TRMT11: variants seen among roughly 807,000 people sequenced by gnomAD.
The protein encoded by TRMT11 is tRNA (guanine(10)-N(2))-methyltransferase TRMT11.
TRMT11 carries 53 observed loss-of-function variants against 62.8 expected under a neutral mutation model. The observed-to-expected ratio is 0.84, with a 90% CI of 0.68 to 1.06. The LOEUF is 1.06. Among genes scored for constraint, TRMT11 ranks in the 50% least tolerant of loss-of-function variants. TRMT11 has a pLI of 0.00. For missense variants in TRMT11, 556 were observed against 553.4 expected, an observed-to-expected ratio of 1.00 and a Z score of -0.05; for synonymous variants, 188 against 190.3, an observed-to-expected ratio of 0.99 and a Z score of 0.10.
At chr6:126,172,951 G>A (rs1778346737), upstream of TRMT11, among the ~76,000 whole-genome samples, 1 of 152,190 alleles carries the variant, frequency 6.6e-6, no homozygotes, top group South Asian at 2.1e-4. Flanking sequence ...AGGCTGGCAG[G>A]AGGTGAACCG....
At chr6:126,006,582 T>G (rs1460865945) in intron 7 of TRMT11, among the ~76,000 whole-genome samples, 1 of 145,982 alleles carries the variant, frequency 6.9e-6, no homozygotes, top group Non-Finnish European at 1.5e-5. Context: ...ACTTGCCTCC[T>G]TGACACTTCA....
the TRMT11 span, among the ~76,000 whole-genome samples, chr6:126,246,009 T>C: frequency 1.5e-4 from 23 of 152,260 alleles, no homozygotes; most frequent in African/African-American, 4.6e-4. Flanking sequence ...CACTGTGGCT[T>C]ATGCCTGTAA....
At chr6:126,154,872 C>G (rs776446512) in intron 21 of TRMT11, among the ~76,000 whole-genome samples, 1 of 152,156 alleles carries the variant, frequency 6.6e-6, no homozygotes, top group African/African-American at 2.4e-5. Context: ...AACTGATGCT[C>G]GTGCACCCTT....
At chr6:126,178,999 A>G (rs1778425425) in intron 1 of TRMT11, among the ~76,000 whole-genome samples, 4 of 152,108 alleles carry the variant, frequency 2.6e-5, no homozygotes, top group Admixed American at 2.6e-4. Context: ...AGGATATCTG[A>G]AATTGGGAAG....
chr6:126,213,632 C>G, the TRMT11 span, among the ~76,000 whole-genome samples: 1 of 151,934 alleles, frequency 6.6e-6, no homozygotes, highest in Admixed American at 6.6e-5. Context: ...AAAATCAATT[C>G]TAATAGTTTT....
intron 12 of TRMT11, among the ~76,000 whole-genome samples, chr6:126,035,150 A>G (rs1774940315): frequency 6.6e-6 from 1 of 152,104 alleles, no homozygotes; most frequent in African/African-American, 2.4e-5. Flanking sequence ...GGTATATTTT[A>G]AATGTGTATT....
intron 17 of TRMT11, among the ~76,000 whole-genome samples, chr6:126,112,434 G>T (rs1220860231): frequency 6.6e-6 from 1 of 152,042 alleles, no homozygotes; most frequent in Non-Finnish European, 1.5e-5. Context: ...TTTGAATGCT[G>T]TTTTATCTCA....
At chr6:126,053,649 C>T (rs556266849) in intron 17 of TRMT11, among the ~76,000 whole-genome samples, 6 of 152,312 alleles carry the variant, frequency 3.9e-5, no homozygotes, top group African/African-American at 1.4e-4. Flanking sequence ...TTTCCCCTCC[C>T]CTCTGCCTCC....
intron 16 of TRMT11, among the ~76,000 whole-genome samples, chr6:126,051,805 G>A (rs530696438): frequency 4.6e-5 from 7 of 152,240 alleles, no homozygotes; most frequent in African/African-American, 7.2e-5. Flanking sequence ...GGAGCCTATG[G>A]TACAAGCATG....
At chr6:126,093,654 C>A (rs1436840536) in intron 17 of TRMT11, among the ~76,000 whole-genome samples, 1 of 116,256 alleles carries the variant, frequency 8.6e-6, no homozygotes, top group African/African-American at 3.4e-5. Context: ...CCTGGAGGAT[C>A]AATTAGGTGC....
chr6:126,013,142 C>A, intron 11 of TRMT11, 41 bp downstream of exon 11: 1 of 1,563,492 alleles, frequency 6.4e-7, no homozygotes, highest in Non-Finnish European at 8.7e-7. Flanking sequence ...ATTTTTCTTA[C>A]AATGTTTGCG....
chr6:126,261,724 C>T, the TRMT11 span, among the ~76,000 whole-genome samples: 3 of 152,102 alleles, frequency 2.0e-5, no homozygotes, highest in Non-Finnish European at 2.9e-5. Context: ...TCTGTGATTG[C>T]CTTACTGGTC....
chr6:126,093,625 A>ATTTTTTTTT (rs1483189635), intron 17 of TRMT11, among the ~76,000 whole-genome samples: 9 of 103,516 alleles, frequency 8.7e-5, no homozygotes, highest in African/African-American at 4.3e-4. Context: ...ATATATATAT[A>ATTTTTTTTT]TATATATTTT....
At chr6:126,166,885 G>A (rs1477368501) in intron 21 of TRMT11, among the ~76,000 whole-genome samples, 3 of 152,110 alleles carry the variant, frequency 2.0e-5, no homozygotes, top group South Asian at 4.1e-4. Context: ...CACCCAGTTC[G>A]AACTTCCTGG....
the TRMT11 span, among the ~76,000 whole-genome samples, chr6:126,243,302 C>T: frequency 1.1e-4 from 16 of 152,046 alleles, no homozygotes; most frequent in East Asian, 7.7e-4. Flanking sequence ...CTGGAGAGGA[C>T]GTGGAGAAAT....
rs556104270 is a variant in TRMT11 at position 126,165,193 on chromosome 6, A to G, written c.*1824-9632A>G. On this transcript the variant is annotated intron_variant and NMD_transcript_variant, in intron 21 of 22. Coordinates refer to the TRMT11 transcript ENST00000648977. The stretch of plus-strand genomic sequence containing the variant: ...CTCAGGAGGCTGAGGCAGGAGAATC[A>G]CTTGAACCTGGGAGACGGAGGTTGC... Among the ~76,000 whole-genome samples the G allele has an allele frequency of 3.3e-5, 5 of 151,588 alleles. No individual in the cohort carries two copies. In the South Asian group the frequency reaches 1.0e-3, roughly 32 times the overall value.
intron 1 of TRMT11, 33 bp downstream of exon 1, chr6:125,986,655 G>A (rs1379621914): frequency 6.4e-7 from 1 of 1,555,324 alleles, no homozygotes. Flanking sequence ...AACTTCCGAC[G>A]GAAGAGGACG....
chr6:126,130,559 G>A (rs752223149), intron 21 of TRMT11, among the ~76,000 whole-genome samples: 5 of 136,956 alleles, frequency 3.7e-5, no homozygotes, highest in Non-Finnish European at 6.3e-5. Flanking sequence ...AAAACGCAGA[G>A]GTTCCTTGTA....
At chr6:126,183,639 G>A (rs999774116) in intron 1 of TRMT11, among the ~76,000 whole-genome samples, 3 of 152,068 alleles carry the variant, frequency 2.0e-5, no homozygotes, top group African/African-American at 4.8e-5. Flanking sequence ...TACTGGACAG[G>A]GAATTGAAAT....
Sources: gnomAD v4.1 joint callset for allele counts (sites outside exome capture counted in the v4.1 genomes callset) on GRCh38, gnomAD v4.1.1 for gene constraint, MANE v1.5 for transcripts, NCBI Gene and HGNC (gene_info 2026-07-23, HGNC 2026-07-21) for gene names.